Variants in CORO2B observed in about 807,000 individuals in gnomAD.
CORO2B encodes the protein coronin 2B, also known as coronin-2B.
Under a neutral mutation model 58.8 loss-of-function variants are expected in CORO2B, and 26 were observed. The ratio of observed to expected loss-of-function variants is 0.44; its 90% confidence interval spans 0.32 to 0.61. The LOEUF is 0.61. Among genes scored for constraint, CORO2B ranks in the 20% least tolerant of loss-of-function variants. The pLI is 0.04. For synonymous variants in CORO2B, 242 were observed against 253.8 expected (o/e 0.95, Z 0.44); for missense variants, 460 against 645.1 (o/e 0.71, Z 3.11).
intron 1 of CORO2B, among the ~76,000 whole-genome samples, chr15:68,605,859 T>G (rs955051839): frequency 1.3e-4 from 20 of 151,886 alleles, no homozygotes; most frequent in African/African-American, 2.7e-4. Flanking sequence ...TGAGTATCTG[T>G]GATTACAGGC....
the CORO2B span, among the ~76,000 whole-genome samples, chr15:68,571,893 C>T: frequency 3.3e-5 from 5 of 152,212 alleles, no homozygotes; most frequent in African/African-American, 7.2e-5. Context: ...GGGCTGGGAG[C>T]TCAGTGCAGG....
chr15:68,704,046 A>G, intron 3 of CORO2B, among the ~76,000 whole-genome samples: 1 of 114,896 alleles, frequency 8.7e-6, no homozygotes, highest in East Asian at 2.8e-4. Flanking sequence ...ACATACACAC[A>G]CACACACACA....
intron 2 of CORO2B, among the ~76,000 whole-genome samples, chr15:68,676,715 C>T (rs1047842832): frequency 6.6e-6 from 1 of 152,160 alleles, no homozygotes; most frequent in Non-Finnish European, 1.5e-5. Flanking sequence ...TCCCAGAGGC[C>T]TTGACCTGAC....
At chr15:68,592,022 G>A (rs980489867) in intron 1 of CORO2B, among the ~76,000 whole-genome samples, 1 of 152,124 alleles carries the variant, frequency 6.6e-6, no homozygotes, top group African/African-American at 2.4e-5. Context: ...TTCTGGATGC[G>A]AGTTTATGCC....
At chr15:68,589,163 A>G (rs1899639376) in intron 1 of CORO2B, among the ~76,000 whole-genome samples, 2 of 152,150 alleles carry the variant, frequency 1.3e-5, no homozygotes, top group South Asian at 4.1e-4. Flanking sequence ...TAATTTCTCA[A>G]TCCTTGGAGT....
At chr15:68,632,463 A>G in intron 1 of CORO2B, 1 of 977,680 alleles carries the variant, frequency 1.0e-6, no homozygotes, top group Non-Finnish European at 1.2e-6. Flanking sequence ...CTCTCTCAAC[A>G]ATTCTGGCTC....
At chr15:68,631,903 C>T in intron 1 of CORO2B, 1 of 980,682 alleles carries the variant, frequency 1.0e-6, no homozygotes, top group Non-Finnish European at 1.2e-6. Context: ...AAATAGGCTG[C>T]TGGAATGGCC....
chr15:68,548,189 A>ATGTG, the CORO2B span, among the ~76,000 whole-genome samples: 4 of 145,144 alleles, frequency 2.8e-5, no homozygotes, highest in South Asian at 2.2e-4. Context: ...ATATATATAT[A>ATGTG]TGTGTGTGTG....
At chr15:68,533,499 C>T in the CORO2B span, among the ~76,000 whole-genome samples, 4 of 152,200 alleles carry the variant, frequency 2.6e-5, no homozygotes, top group Admixed American at 6.5e-5. Context: ...CTGGAATAGA[C>T]TCACCAATGT....
At chr15:68,719,284 T>C (rs983865127) in intron 10 of CORO2B, 50 bp downstream of exon 10, 92 of 1,600,722 alleles carry the variant, frequency 5.7e-5, no homozygotes, top group Non-Finnish European at 7.4e-5. Context: ...AGCCTTTGCC[T>C]TCAGCGCAGC....
intron 7 of CORO2B, 119 bp downstream of exon 7, chr15:68,714,782 C>A: frequency 1.3e-6 from 1 of 741,686 alleles, no homozygotes; most frequent in Non-Finnish European, 2.3e-6. Flanking sequence ...GTTCCTGGGC[C>A]TCACCTTTCC....
rs1371299764 is a variant in CORO2B, at chr15:68,672,982, G to T, written c.217-22158G>T. Among the ~76,000 whole-genome samples the T allele has an allele frequency of 3.3e-5, 5 of 152,172 alleles. No homozygotes were observed. The East Asian group carries it at 9.6e-4, about 29-fold the overall frequency. The stretch of plus-strand genomic sequence containing the variant: ...GGGTATGGGTTGAAGATGAGATCAG[G>T]TGCAGGTGGATGTGAGGACATAGCA... On this transcript the variant is annotated intron_variant, in intron 2 of 11. Coordinates refer to ENST00000261861, the MANE Select transcript of CORO2B (RefSeq NM_006091.5).
At chr15:68,545,610 GGC>G in the CORO2B span, among the ~76,000 whole-genome samples, 27,898 of 107,534 alleles carry the variant, frequency 0.26, 4,002 homozygotes, top group Non-Finnish European at 0.29. Context: ...GAATGCGGGG[GGC>G]GGGGGGGGTA....
intron 1 of CORO2B, among the ~76,000 whole-genome samples, chr15:68,637,143 A>G (rs925324573): frequency 2.6e-5 from 4 of 152,172 alleles, no homozygotes; most frequent in African/African-American, 9.7e-5. Context: ...ATGCATAACC[A>G]AGTTTGGAAA....
chr15:68,701,579 G>A (rs1892651862), intron 3 of CORO2B, among the ~76,000 whole-genome samples: 1 of 137,190 alleles, frequency 7.3e-6, no homozygotes, highest in South Asian at 2.5e-4. Context: ...TCCGCCTCCC[G>A]GGTTCACGCC....
At chr15:68,718,665 G>A (rs1893088368) in intron 8 of CORO2B, 33 bp from the exon 9 acceptor site, 2 of 1,564,268 alleles carry the variant, frequency 1.3e-6, no homozygotes, top group African/African-American at 1.4e-5. Flanking sequence ...CAGTTTCTGG[G>A]ACCCCATGGA....
In CORO2B at chr15:68,579,233, C is replaced by A; in HGVS notation, c.-30C>A. On this transcript the variant is annotated 5_prime_UTR_variant, in exon 1 of 12. Transcript: ENST00000261861. Reference sequence around the variant, plus strand: ...CGCCGCCGCCCCCGCACGCCGCGCCCGCGCCCCCGCTCCGCCGCGGAGTTT... The same window carrying A: ...CGCCGCCGCCCCCGCACGCCGCGCCAGCGCCCCCGCTCCGCCGCGGAGTTT... 8.9e-7 allele frequency: 1 copy of A among 1,129,124 alleles called. No homozygotes were observed. The highest frequency in any genetic ancestry group is 1.1e-6 in the Non-Finnish European group (1 of 923,428). The allele number at this position is 1,129,124 out of a possible 1,614,324, so 69.9% of individuals were successfully genotyped here. A position where few individuals can be genotyped will look rare whatever the true frequency, so the allele number is the denominator to read the frequency against.
intron 1 of CORO2B, among the ~76,000 whole-genome samples, chr15:68,597,966 G>C (rs2140237373): frequency 6.6e-6 from 1 of 152,320 alleles, no homozygotes; most frequent in Non-Finnish European, 1.5e-5. Flanking sequence ...GTCTGTGGGG[G>C]TGGGTATGAG....
the CORO2B span, among the ~76,000 whole-genome samples, chr15:68,557,796 T>G: frequency 5.3e-5 from 8 of 152,210 alleles, no homozygotes; most frequent in Non-Finnish European, 7.3e-5. Flanking sequence ...TGCACCACGC[T>G]AACTGGGACT....
Sources: gnomAD v4.1 joint callset for allele counts (sites outside exome capture counted in the v4.1 genomes callset) on GRCh38, gnomAD v4.1.1 for gene constraint, MANE v1.5 for transcripts, NCBI Gene and HGNC (gene_info 2026-07-23, HGNC 2026-07-21) for gene names.